CRYBG3: variants seen among roughly 807,000 people sequenced by gnomAD.
CRYBG3 encodes the protein very large A-kinase anchor protein.
CRYBG3 carries 127 observed loss-of-function variants against 244.2 expected under a neutral mutation model. The ratio of observed to expected loss-of-function variants is 0.52; its 90% CI spans 0.45 to 0.60. CRYBG3 has a LOEUF of 0.60. CRYBG3 is among the 20% of genes least tolerant of loss of function. The pLI is 0.00. For missense variants in CRYBG3, 3,325 were observed against 3,442.5 expected (o/e 0.97, Z 0.85); for synonymous variants, 1,132 against 1,195.8 (o/e 0.95, Z 1.10).
chr3:97,822,402 G>T (rs558665397), intron 1 of CRYBG3, 47 bp downstream of exon 1: 3 of 1,414,168 alleles, frequency 2.1e-6, no homozygotes, highest in East Asian at 5.6e-5. Context: ...ACATATTCGC[G>T]GGATGAAGGC....
At chr3:97,838,026 C>T (rs775387018) in intron 1 of CRYBG3, among the ~76,000 whole-genome samples, 25 of 152,040 alleles carry the variant, frequency 1.6e-4, no homozygotes, top group Admixed American at 6.6e-4. Flanking sequence ...TGAGTCTGTC[C>T]TGTGGCCATC....
chr3:97,864,280 G>A lies in CRYBG3; in HGVS notation c.280G>A (p.Asp94Asn). Reference protein sequence around the residue: ...EKPVTLPVQEDPKKAYDLSSS... With the variant: ...EKPVTLPVQENPKKAYDLSSS... ...GCCAGTCACTCTTCCAGTGCAGGAA[G>A]ATCCCAAAAAGGCATATGATCTTTC... The change falls in exon 3 of 22, where the codon GAT (aspartate) becomes AAT (asparagine). Residue 94 changes from aspartate to asparagine, a missense_variant. This residue lies in a region of CRYBG3 where 1,526 missense variants were observed against 1,443.2 expected (regional missense o/e 1.06). Transcript: ENST00000389622. 1 of 1,535,040 alleles carries A rather than the reference G, an allele frequency of 6.5e-7. No individual in the cohort carries two copies.
chr3:97,933,685 T>G lies in CRYBG3; in HGVS notation c.8242-9T>G, dbSNP rs1299708272. ...CTCCTATGGTGACGCTTTCTTTTTCTGCTAATAGGTTTTTGAAGAACCCTC... is the reference window on the plus strand; with the variant it reads ...CTCCTATGGTGACGCTTTCTTTTTCGGCTAATAGGTTTTTGAAGAACCCTC... On this transcript the variant is annotated splice_polypyrimidine_tract_variant and intron_variant, in intron 17 of 21. Coordinates refer to ENST00000389622, the MANE Select transcript of CRYBG3 (RefSeq NM_153605.4). 6.2e-7 allele frequency: 1 copy of G among 1,612,382 alleles called. No homozygotes were observed. Among genetic ancestry groups the G allele is most frequent in the Admixed American group, 1.7e-5 (1 of 59,818 alleles).
chr3:97,872,499 T>C lies in CRYBG3; in HGVS notation c.1305T>C (p.Ser435=). 1.3e-6 allele frequency: 2 copies of C among 1,536,006 alleles called. No homozygotes were observed. The highest frequency in any genetic ancestry group is 1.7e-6 in the Non-Finnish European group (2 of 1,146,800). ...ELVEPQGPAI[S]DFSCSKSDGS... ...TTGAGCCTCAGGGCCCTGCTATTTCTGATTTCTCTTGTAGTAAATCTGATG... is the reference window on the plus strand; with the variant it reads ...TTGAGCCTCAGGGCCCTGCTATTTCCGATTTCTCTTGTAGTAAATCTGATG... The change falls in exon 4 of 22, where the codon TCT becomes TCC. Residue 435 remains serine (S), a synonymous_variant. Transcript: ENST00000389622.
At chr3:97,936,651 G>T (rs1199880650) in intron 18 of CRYBG3, 134 bp from the exon 19 acceptor site, 1 of 861,320 alleles carries the variant, frequency 1.2e-6, no homozygotes, top group Non-Finnish European at 1.7e-6. Flanking sequence ...ATTTTTGTTA[G>T]GAAAAAATGT....
At chr3:97,860,055 A>T (rs972614589) in intron 2 of CRYBG3, among the ~76,000 whole-genome samples, 1 of 152,108 alleles carries the variant, frequency 6.6e-6, no homozygotes, top group Non-Finnish European at 1.5e-5. Context: ...CTTCTAGTTA[A>T]AAATCTCTGA....
chr3:97,900,846 C>A (rs2039698727), intron 15 of CRYBG3, among the ~76,000 whole-genome samples: 1 of 152,152 alleles, frequency 6.6e-6, no homozygotes, highest in South Asian at 2.1e-4. Context: ...GGAGAAGTCA[C>A]GTCTTGGCAT....
chr3:97,873,643 GA>G lies in CRYBG3; in HGVS notation c.2452del (p.Ile818LeufsTer44). 1.3e-6 allele frequency: 2 copies of G among 1,534,696 alleles called. No homozygotes were observed. The highest frequency in any genetic ancestry group is 1.7e-6 in the Non-Finnish European group (2 of 1,146,392). On this transcript the variant is annotated frameshift_variant, in exon 4 of 22. Transcript: ENST00000389622. LOFTEE classifies it high-confidence loss of function. Reference sequence around the variant, plus strand: ...AACTGCTAACATTGTATCAAAAGCTGAAATTGATGGTCAGAACAATGTTCTT... The same window carrying G: ...AACTGCTAACATTGTATCAAAAGCTGAATTGATGGTCAGAACAATGTTCTT... ...AKTANIVSKA[E>X]IDGQNNVLVE...
At chr3:97,889,454 A>G in intron 10 of CRYBG3, 64 bp downstream of exon 10, 1 of 1,295,186 alleles carries the variant, frequency 7.7e-7, no homozygotes, top group Non-Finnish European at 1.1e-6. Context: ...TATTCCAATA[A>G]TTTTGAAACA....
chr3:97,874,874 A>G lies in CRYBG3; in HGVS notation c.3680A>G (p.His1227Arg), dbSNP rs1357091760. The G allele has an allele frequency of 6.5e-7, 1 of 1,535,302 alleles. No individual in the cohort carries two copies. Among genetic ancestry groups the G allele is most frequent in the Non-Finnish European group, 8.7e-7 (1 of 1,146,666 alleles). Residue 1227 changes from histidine to arginine, a missense_variant, in exon 4 of 22, where the codon CAT (histidine) becomes CGT (arginine). By Grantham distance (29) the His-to-Arg change is conservative. Transcript: ENST00000389622. Reference sequence around the variant, plus strand: ...CACACAGTGAGTACCTGCCAGGAGCATATAGCCATAGAAGGTATAATGAAT... The same window carrying G: ...CACACAGTGAGTACCTGCCAGGAGCGTATAGCCATAGAAGGTATAATGAAT... ...FKHTVSTCQE[H>R]IAIEGIMNLG...
In CRYBG3 at chr3:97,895,403, G is replaced by C. The variant is rs187705204; in HGVS notation, c.7575-556G>C. 5.9e-5 allele frequency among the ~76,000 whole-genome samples: 9 copies of C among 152,292 alleles called. 1 individual carries two copies. The highest frequency in any genetic ancestry group is 2.2e-4 in the African/African-American group (9 of 41,560). ...TATTTACAGATGTCCTTGTATACAT[G>C]TAGGGCCCTGAAGCTAATAATAGCT... On this transcript the variant is annotated intron_variant, in intron 11 of 21. Coordinates refer to ENST00000389622, the MANE Select transcript of CRYBG3 (RefSeq NM_153605.4).
At chr3:97,834,467 C>A (rs909175864) in intron 1 of CRYBG3, among the ~76,000 whole-genome samples, 29 of 151,968 alleles carry the variant, frequency 1.9e-4, no homozygotes, top group African/African-American at 6.5e-4. Flanking sequence ...TGGTTTCTAC[C>A]TCAGTGGCAG....
chr3:97,874,485 C>G lies in CRYBG3; in HGVS notation c.3291C>G (p.Thr1097=). Residue 1097 remains threonine (T), a synonymous_variant, in exon 4 of 22, where the codon ACC becomes ACG. Coordinates refer to ENST00000389622, the MANE Select transcript of CRYBG3 (RefSeq NM_153605.4). ...CCAAAGATCTCACACATGAAGGTAC[C>G]TCTGTAACTAACCTGTTGTACCCTA... ...QVTKDLTHEG[T]SVTNLLYPTT... is the part of the protein sequence containing the mutation. 1 of 1,534,052 alleles carries G rather than the reference C, an allele frequency of 6.5e-7. No individual in the cohort carries two copies. Among genetic ancestry groups the G allele is most frequent in the Non-Finnish European group, 8.7e-7 (1 of 1,146,118 alleles).
intron 8 of CRYBG3, among the ~76,000 whole-genome samples, chr3:97,886,968 T>C (rs1461078255): frequency 1.3e-5 from 2 of 152,194 alleles, no homozygotes; most frequent in Non-Finnish European, 2.9e-5. Flanking sequence ...AATTCTGAGA[T>C]GTAGTTCTTG....
chr3:97,892,569 G>T (rs1024926841), intron 10 of CRYBG3, among the ~76,000 whole-genome samples: 2 of 151,998 alleles, frequency 1.3e-5, no homozygotes, highest in African/African-American at 2.4e-5. Context: ...CAAAATTTGT[G>T]TTGCTCTGAT....
At chr3:97,899,064 G>A (rs1368904808) in intron 13 of CRYBG3, 39 bp downstream of exon 13, 3 of 1,598,958 alleles carry the variant, frequency 1.9e-6, no homozygotes, top group Non-Finnish European at 2.6e-6. Flanking sequence ...AGTCTTTGGT[G>A]TTTAAGATTG....
chr3:97,827,671 G>T (rs1357327069), intron 1 of CRYBG3, among the ~76,000 whole-genome samples: 1 of 152,008 alleles, frequency 6.6e-6, no homozygotes, highest in Non-Finnish European at 1.5e-5. Context: ...CCTTTATTAA[G>T]CCCTGAGCTT....
At chr3:97,848,513 G>A (rs1009725586) in intron 2 of CRYBG3, among the ~76,000 whole-genome samples, 6 of 152,142 alleles carry the variant, frequency 3.9e-5, no homozygotes, top group Non-Finnish European at 7.3e-5. Context: ...GTGTTAGCCA[G>A]GATGGTCTCG....
chr3:97,903,541 G>A (rs974882065), intron 15 of CRYBG3, among the ~76,000 whole-genome samples: 1 of 152,102 alleles, frequency 6.6e-6, no homozygotes, highest in Non-Finnish European at 1.5e-5. Flanking sequence ...ATTTCTATGA[G>A]GGAGGCTCAA....
Sources: gnomAD v4.1 joint callset for allele counts (sites outside exome capture counted in the v4.1 genomes callset) on GRCh38, gnomAD v4.1.1 for gene constraint, gnomAD v4.1.1 regional missense constraint, MANE v1.5 for transcripts, NCBI Gene and HGNC (gene_info 2026-07-23, HGNC 2026-07-21) for gene names.